UMAD1: variants seen among roughly 807,000 people sequenced by gnomAD.
The protein encoded by UMAD1 is UBAP1-MVB12-associated (UMA)-domain containing protein 1.
A neutral mutation model predicts 6.1 loss-of-function variants in UMAD1; 8 were observed. The ratio of observed to expected loss-of-function variants is 1.30; its 90% CI spans 0.76 to 2.35. UMAD1 has a LOEUF of 2.35. UMAD1 is among the 30% of genes most tolerant of loss of function. UMAD1 has a pLI of 0.00. For synonymous variants in UMAD1, 56 were observed against 31.4 expected (o/e 1.78, Z -2.61); for missense variants, 130 against 78.4 (o/e 1.66, Z -2.49).
chr7:7,648,706 C>G (rs984907028), intron 1 of UMAD1, among the ~76,000 whole-genome samples: 2 of 151,876 alleles, frequency 1.3e-5, no homozygotes, highest in African/African-American at 4.8e-5. Context: ...CAAAAATTAG[C>G]TGGCCATGGT....
chr7:7,652,799 A>AG (rs1395848206), intron 1 of UMAD1, among the ~76,000 whole-genome samples: 1 of 152,264 alleles, frequency 6.6e-6, no homozygotes, highest in Non-Finnish European at 1.5e-5. Flanking sequence ...GGGAGGAAGT[A>AG]GTAAGCCTTC....
At chr7:7,774,130 CT>C (rs1782155121) in intron 2 of UMAD1, among the ~76,000 whole-genome samples, 1 of 152,152 alleles carries the variant, frequency 6.6e-6, no homozygotes, top group African/African-American at 2.4e-5. Flanking sequence ...TCTTCTTCCC[CT>C]TTCTCTGAGC....
At chr7:7,837,240 A>AT (rs1473911703) in intron 3 of UMAD1, among the ~76,000 whole-genome samples, 1 of 151,958 alleles carries the variant, frequency 6.6e-6, no homozygotes, top group East Asian at 1.9e-4. Flanking sequence ...GGGCAAAATA[A>AT]TTTTTTTCAG....
intron 3 of UMAD1, among the ~76,000 whole-genome samples, chr7:7,842,616 T>C (rs1353543281): frequency 6.7e-6 from 1 of 150,208 alleles, no homozygotes; most frequent in Non-Finnish European, 1.5e-5. Context: ...TTACCTTTTT[T>C]TAAAAAAAAA....
chr7:7,766,230 A>G (rs899619431), intron 2 of UMAD1, among the ~76,000 whole-genome samples: 1 of 152,228 alleles, frequency 6.6e-6, no homozygotes, highest in Non-Finnish European at 1.5e-5. Context: ...ATCAATTTTT[A>G]AAAATATATT....
Position 7,877,977 on chromosome 7 carries a change from T to C in UMAD1, c.*439T>C, listed in dbSNP as rs1200067234. The C allele has an allele frequency of 6.2e-6, 1 of 161,316 alleles. No individual in the cohort carries two copies. Among genetic ancestry groups the C allele is most frequent in the East Asian group, 1.8e-4 (1 of 5,474 alleles). The allele number at this position is 161,316 out of a possible 1,614,324, so 10.0% of individuals were successfully genotyped here. Reference sequence around the variant, plus strand: ...ATTCCTGCATTTTTTTCTTCCACAGTGTTTATGAATGAATTCAGAAAAAAA... The same window carrying C: ...ATTCCTGCATTTTTTTCTTCCACAGCGTTTATGAATGAATTCAGAAAAAAA... On this transcript the variant is annotated 3_prime_UTR_variant, in exon 4 of 4. Coordinates refer to ENST00000682710, the MANE Select transcript of UMAD1 (RefSeq NM_001302348.2).
At chr7:7,712,892 T>C (rs1780802373) in intron 2 of UMAD1, among the ~76,000 whole-genome samples, 1 of 152,192 alleles carries the variant, frequency 6.6e-6, no homozygotes, top group African/African-American at 2.4e-5. Context: ...TGGTATAAGA[T>C]TTGATTTTAA....
chr7:7,647,640 C>G (rs757237466), intron 1 of UMAD1, among the ~76,000 whole-genome samples: 21 of 152,168 alleles, frequency 1.4e-4, no homozygotes, highest in Non-Finnish European at 2.8e-4. Flanking sequence ...CAGGGTCTTC[C>G]TCTGTTGCTG....
intron 3 of UMAD1, among the ~76,000 whole-genome samples, chr7:7,873,867 C>T (rs764776042): frequency 2.0e-5 from 3 of 152,168 alleles, no homozygotes; most frequent in Non-Finnish European, 4.4e-5. Flanking sequence ...ACTACTGGCC[C>T]ATATATGTTT....
chr7:7,762,716 A>G (rs6959656), intron 2 of UMAD1, among the ~76,000 whole-genome samples: 78,220 of 152,044 alleles, frequency 0.51, 21,890 homozygotes, highest in African/African-American at 0.73. Context: ...TTAGAGTGAT[A>G]TAAACATCAC....
chr7:7,652,421 C>T (rs1169991810), intron 1 of UMAD1, among the ~76,000 whole-genome samples: 1 of 152,176 alleles, frequency 6.6e-6, no homozygotes, highest in African/African-American at 2.4e-5. Context: ...TGTTGTAAAA[C>T]AGCTGGCTGT....
At chr7:7,649,081 C>G (rs901566987) in intron 1 of UMAD1, among the ~76,000 whole-genome samples, 1 of 146,824 alleles carries the variant, frequency 6.8e-6, no homozygotes, top group African/African-American at 2.5e-5. Flanking sequence ...TCGCTTGAAC[C>G]CAGGAAGTGG....
intron 2 of UMAD1, among the ~76,000 whole-genome samples, chr7:7,712,698 C>G (rs1199111924): frequency 6.6e-6 from 1 of 152,084 alleles, no homozygotes; most frequent in Non-Finnish European, 1.5e-5. Context: ...GGTCTAGGAC[C>G]TCTAGTATGT....
chr7:7,782,209 T>A lies in UMAD1; in HGVS notation c.83-19461T>A, dbSNP rs551104800. Among the ~76,000 whole-genome samples the A allele has an allele frequency of 2.6e-5, 4 of 151,962 alleles. No individual in the cohort carries two copies. In the South Asian group the frequency reaches 8.3e-4, roughly 32 times the overall value. ...TACAATAGCTTGGGAATAATTTTTT[T>A]AAATACTAATGGAAAATAAACTTTA... On this transcript the variant is annotated intron_variant, in intron 2 of 3. Transcript: ENST00000682710.
chr7:7,806,416 A>G (rs760627348), intron 3 of UMAD1, among the ~76,000 whole-genome samples: 1 of 152,176 alleles, frequency 6.6e-6, no homozygotes, highest in Non-Finnish European at 1.5e-5. Context: ...TGAGTTCACT[A>G]TAGTGCAGGT....
intron 1 of UMAD1, among the ~76,000 whole-genome samples, chr7:7,663,911 G>A (rs1779364962): frequency 6.6e-6 from 1 of 152,158 alleles, no homozygotes; most frequent in Non-Finnish European, 1.5e-5. Context: ...TAACCTGAAT[G>A]GGTGAGCTAG....
rs1000558485 is a variant in UMAD1 at position 7,879,102 on chromosome 7, C to A, written c.*1564C>A. ...TGTCGAAAATACCTAAACATTTCAT[C>A]TATATTTGTGCCTACCATGTTATAA... On this transcript the variant is annotated 3_prime_UTR_variant, in exon 4 of 4. Transcript: ENST00000682710. The A allele has an allele frequency of 2.6e-5, 4 of 152,084 alleles. No individual in the cohort carries two copies. Among genetic ancestry groups the A allele is most frequent in the African/African-American group, 9.7e-5 (4 of 41,420 alleles). 9.4% of individuals were successfully genotyped at this position (152,084 alleles called of 1,614,324 possible).
At chr7:7,735,929 A>G (rs2097445444) in intron 2 of UMAD1, 1 of 126,918 alleles carries the variant, frequency 7.9e-6, no homozygotes. Context: ...ATGGATCTAC[A>G]TTGTTTGTCC....
intron 2 of UMAD1, among the ~76,000 whole-genome samples, chr7:7,758,313 C>T (rs896243598): frequency 8.6e-5 from 13 of 151,938 alleles, no homozygotes; most frequent in African/African-American, 3.1e-4. Context: ...TTGAATCATT[C>T]CCTATGTAGA....
Sources: gnomAD v4.1 joint callset for allele counts (sites outside exome capture counted in the v4.1 genomes callset) on GRCh38, gnomAD v4.1.1 for gene constraint, MANE v1.5 for transcripts, NCBI Gene and HGNC (gene_info 2026-07-23, HGNC 2026-07-21) for gene names.